CTNNA2: variants seen among roughly 807,000 people sequenced by gnomAD.
CTNNA2 encodes catenin alpha 2.
Under a neutral mutation model 101.0 loss-of-function variants are expected in CTNNA2, and 42 were observed. The observed-to-expected ratio is 0.42, with a 90% CI of 0.32 to 0.54. CTNNA2 has a LOEUF of 0.54. Among genes scored for constraint, CTNNA2 ranks in the 20% least tolerant of loss-of-function variants. CTNNA2 has a pLI of 0.14. For missense variants in CTNNA2, 871 were observed against 1,223.1 expected (o/e 0.71, Z 4.29); for synonymous variants, 450 against 456.4 (o/e 0.99, Z 0.18).
At chr2:80,645,166 G>A (rs766874433) in intron 18 of CTNNA2, among the ~76,000 whole-genome samples, 2 of 152,054 alleles carry the variant, frequency 1.3e-5, no homozygotes, top group Non-Finnish European at 2.9e-5. Flanking sequence ...TTTACTCATA[G>A]CATGCGATAG....
At chr2:80,133,545 T>C (rs945687978) in intron 7 of CTNNA2, among the ~76,000 whole-genome samples, 1 of 152,150 alleles carries the variant, frequency 6.6e-6, no homozygotes, top group Non-Finnish European at 1.5e-5. Context: ...GAAATGAATG[T>C]GCAAATGGAA....
At chr2:80,444,799 C>G (rs1333536561) in intron 9 of CTNNA2, among the ~76,000 whole-genome samples, 2 of 152,170 alleles carry the variant, frequency 1.3e-5, no homozygotes, top group Non-Finnish European at 2.9e-5. Context: ...CCCAACCATG[C>G]TTGCACCCTG....
intron 3 of CTNNA2, among the ~76,000 whole-genome samples, chr2:79,822,321 G>A (rs1678077290): frequency 6.6e-6 from 1 of 151,984 alleles, no homozygotes; most frequent in South Asian, 2.1e-4. Flanking sequence ...CTGTGAATGA[G>A]CTCATTACAT....
intron 18 of CTNNA2, among the ~76,000 whole-genome samples, chr2:80,622,439 A>G (rs115349555): frequency 0.011 from 1,723 of 152,058 alleles, 36 homozygotes; most frequent in African/African-American, 0.039. Flanking sequence ...TCCATCAGCT[A>G]ATGAGAATCC....
At chr2:79,868,971 C>T (rs1394327350) in intron 4 of CTNNA2, among the ~76,000 whole-genome samples, 1 of 152,092 alleles carries the variant, frequency 6.6e-6, no homozygotes, top group Non-Finnish European at 1.5e-5. Context: ...TTAATGGTGT[C>T]CACAGATGGT....
intron 3 of CTNNA2, among the ~76,000 whole-genome samples, chr2:79,770,989 G>A (rs1673529025): frequency 6.6e-6 from 1 of 152,208 alleles, no homozygotes; most frequent in African/African-American, 2.4e-5. Context: ...GAATTAGAAT[G>A]CAGATCAAGC....
intron 7 of CTNNA2, among the ~76,000 whole-genome samples, chr2:80,035,362 A>G (rs1190040606): frequency 6.6e-6 from 1 of 152,200 alleles, no homozygotes; most frequent in Non-Finnish European, 1.5e-5. Flanking sequence ...ACCTAAAAAA[A>G]ATTGGGAAGA....
At position 79,839,392 on chromosome 2, in the gene CTNNA2, A is replaced by G. The variant is rs537698616; in HGVS notation, c.299-18621A>G. Among the ~76,000 whole-genome samples, 8 of 152,130 alleles carry G rather than the reference A, an allele frequency of 5.3e-5. No individual in the cohort carries two copies. In the South Asian group the frequency reaches 1.7e-3, roughly 32 times the overall value. ...CAGTTTTACTATGCAGCTATCAAAT[A>G]TGGACTTCTTTTTACTTATCTTGTT... On this transcript the variant is annotated intron_variant, in intron 3 of 18. Transcript: ENST00000402739.
At chr2:79,873,213 A>G (rs1558600266) in intron 5 of CTNNA2, among the ~76,000 whole-genome samples, 2 of 152,166 alleles carry the variant, frequency 1.3e-5, no homozygotes, top group Admixed American at 1.3e-4. Context: ...GGGCCTCAGA[A>G]GACTGACGTT....
intron 7 of CTNNA2, among the ~76,000 whole-genome samples, chr2:80,033,148 CAAA>C (rs781462046): frequency 1.1e-4 from 6 of 56,116 alleles, no homozygotes; most frequent in Admixed American, 2.0e-4. Flanking sequence ...GACTCCATCT[CAAA>C]AAAAAAAAAA....
intron 5 of CTNNA2, among the ~76,000 whole-genome samples, chr2:79,870,707 G>T (rs960152418): frequency 1.3e-5 from 2 of 152,182 alleles, no homozygotes; most frequent in African/African-American, 4.8e-5. Context: ...GGAAGGGGAA[G>T]TAGGCGCCTT....
chr2:79,218,977 G>A (rs142380116), intron 2 of CTNNA2, among the ~76,000 whole-genome samples: 46 of 152,146 alleles, frequency 3.0e-4, no homozygotes, highest in African/African-American at 1.1e-3. Context: ...TTAATCTCTG[G>A]TAATATTATG....
intron 4 of CTNNA2, among the ~76,000 whole-genome samples, chr2:79,862,413 T>C (rs989568305): frequency 2.6e-5 from 4 of 152,154 alleles, no homozygotes; most frequent in Non-Finnish European, 5.9e-5. Context: ...GCAGCCTCAG[T>C]AGTGTATTAT....
intron 6 of CTNNA2, among the ~76,000 whole-genome samples, chr2:79,903,263 A>T (rs117382349): frequency 0.012 from 1,770 of 151,968 alleles, 15 homozygotes; most frequent in Non-Finnish European, 0.019. Flanking sequence ...CCTTCTCTTT[A>T]TCCATATAGA....
rs559769263 is a variant in CTNNA2, at chr2:79,870,807, C to T, written c.585+872C>T. On this transcript the variant is annotated intron_variant, in intron 5 of 18. Coordinates refer to ENST00000402739, the MANE Select transcript of CTNNA2 (RefSeq NM_001282597.3). ...CCCCGTGGGAACTCACTCACTATCACGAGAACAGCATGGAGGAACCACCCC... is the reference window on the plus strand; with the variant it reads ...CCCCGTGGGAACTCACTCACTATCATGAGAACAGCATGGAGGAACCACCCC... Among the ~76,000 whole-genome samples, 9 of 152,208 alleles carry T rather than the reference C, an allele frequency of 5.9e-5. No homozygotes were observed. The South Asian group carries it at 1.9e-3, about 32-fold the overall frequency.
intron 3 of CTNNA2, among the ~76,000 whole-genome samples, chr2:79,782,491 C>G (rs907609196): frequency 7.2e-5 from 11 of 152,144 alleles, no homozygotes; most frequent in African/African-American, 2.2e-4. Flanking sequence ...CCTGCCTCCA[C>G]CTCCCAAAAT....
chr2:80,221,646 C>T (rs949527354), intron 7 of CTNNA2, among the ~76,000 whole-genome samples: 1 of 152,182 alleles, frequency 6.6e-6, no homozygotes, highest in Admixed American at 6.5e-5. Flanking sequence ...TACCTCTTCC[C>T]CTTAATTATT....
intron 7 of CTNNA2, among the ~76,000 whole-genome samples, chr2:80,089,633 G>A (rs527571518): frequency 2.6e-5 from 4 of 152,002 alleles, no homozygotes; most frequent in South Asian, 2.1e-4. Flanking sequence ...TTTATCTAGC[G>A]GTGAGCTTGA....
chr2:80,461,410 C>T (rs1025733803), intron 9 of CTNNA2, among the ~76,000 whole-genome samples: 6 of 152,222 alleles, frequency 3.9e-5, no homozygotes, highest in East Asian at 3.9e-4. Flanking sequence ...TATAAATTGC[C>T]GCTGCCCATG....
Sources: allele counts gnomAD v4.1 joint callset (sites outside exome capture counted in the v4.1 genomes callset), GRCh38; gene constraint gnomAD v4.1.1; transcripts MANE v1.5; gene names NCBI Gene and HGNC (gene_info 2026-07-23, HGNC 2026-07-21).